Variants in SFMBT2 observed in about 807,000 individuals in gnomAD.
SFMBT2 encodes Scm like with four mbt domains 2, also known as scm-like with four MBT domains protein 2.
In SFMBT2, 38 loss-of-function variants were observed where a neutral mutation model predicts 110.1. The ratio of observed to expected loss-of-function variants is 0.35; its 90% CI spans 0.27 to 0.45. The LOEUF (loss-of-function observed/expected upper bound fraction) is 0.45. Among genes scored for constraint, SFMBT2 ranks in the 20% least tolerant of loss-of-function variants. SFMBT2 has a pLI of 1.00. For synonymous variants in SFMBT2, 425 were observed against 425.4 expected, an observed-to-expected ratio of 1.00 and a Z score of 0.01; for missense variants, 1,011 against 1,094.9, an observed-to-expected ratio of 0.92 and a Z score of 1.08.
At chr10:7,373,841 A>C (rs916523893) in intron 2 of SFMBT2, among the ~76,000 whole-genome samples, 3 of 152,200 alleles carry the variant, frequency 2.0e-5, no homozygotes, top group Non-Finnish European at 4.4e-5. Flanking sequence ...GCACCTGGGA[A>C]GAAGACATCG....
At chr10:7,288,648 A>G (rs781128300) in intron 4 of SFMBT2, among the ~76,000 whole-genome samples, 1 of 152,232 alleles carries the variant, frequency 6.6e-6, no homozygotes, top group Non-Finnish European at 1.5e-5. Flanking sequence ...TGCTTTACAA[A>G]GACCTTTCAT....
chr10:7,248,549 T>G lies in SFMBT2; in HGVS notation c.971A>C (p.Lys324Thr). 6.2e-7 allele frequency: 1 copy of G among 1,613,944 alleles called. No individual in the cohort carries two copies. Among genetic ancestry groups the G allele is most frequent in the Non-Finnish European group, 8.5e-7 (1 of 1,179,834 alleles). The change falls in exon 8 of 21, where the codon AAG (lysine) becomes ACG (threonine). Residue 324 changes from lysine to threonine, a missense_variant and splice_region_variant. Around this residue, in one of 2 missense-constraint regions of SFMBT2, gnomAD observed 979 missense variants for 1,016.1 expected, o/e 0.96. Transcript: ENST00000397167. Reference sequence around the variant, plus strand: ...GAAGAGCGAGGGAGGAAAACCCACCTTAGTCACCGACGCAGGAGAGATGTA... The same window carrying G: ...GAAGAGCGAGGGAGGAAAACCCACCGTAGTCACCGACGCAGGAGAGATGTA... ...PFYISPASVT[K>T]VFNNHFFQVT...
intron 11 of SFMBT2, among the ~76,000 whole-genome samples, chr10:7,207,214 C>T (rs759715041): frequency 1.3e-5 from 2 of 151,770 alleles, no homozygotes; most frequent in Non-Finnish European, 2.9e-5. Context: ...ACAAAATTAG[C>T]CTGGCGTGGT....
chr10:7,327,108 A>C (rs1588451520), intron 4 of SFMBT2, among the ~76,000 whole-genome samples: 1 of 147,744 alleles, frequency 6.8e-6, no homozygotes, highest in Non-Finnish European at 1.5e-5. Context: ...GGGCCACCAG[A>C]CCACTGGGGG....
At chr10:7,389,545 AAGT>A (rs140624255) in intron 1 of SFMBT2, among the ~76,000 whole-genome samples, 3,905 of 152,298 alleles carry the variant, frequency 0.026, 89 homozygotes, top group Non-Finnish European at 0.038. Context: ...GTTTTGTACA[AAGT>A]TAACTCTACT....
chr10:7,179,560 A>C (rs1463146249), intron 16 of SFMBT2, among the ~76,000 whole-genome samples: 1 of 152,172 alleles, frequency 6.6e-6, no homozygotes, highest in Admixed American at 6.5e-5. Flanking sequence ...GTGGCCCCAC[A>C]ACTTTGTTGG....
chr10:7,174,680 G>A (rs1345885029), intron 17 of SFMBT2, among the ~76,000 whole-genome samples: 1 of 152,178 alleles, frequency 6.6e-6, no homozygotes, highest in Non-Finnish European at 1.5e-5. Flanking sequence ...AGCCCACCTG[G>A]CAGGTAAGCA....
At position 7,348,364 on chromosome 10, in the gene SFMBT2, T is replaced by C. The variant is rs765756389; in HGVS notation, c.436+19285A>G. The C allele has an allele frequency of 6.7e-6, 10 of 1,491,446 alleles. No homozygotes were observed. In the Admixed American group the frequency reaches 1.7e-4, roughly 25 times the overall value. 92.4% of individuals were successfully genotyped at this position (1,491,446 alleles called of 1,614,324 possible). Reference sequence around the variant, plus strand: ...AAAAAATAATCACAGATGGTTTTAATGGCTATAACTTGCTCCTATAATCCA... The same window carrying C: ...AAAAAATAATCACAGATGGTTTTAACGGCTATAACTTGCTCCTATAATCCA... On this transcript the variant is annotated intron_variant, in intron 4 of 20. Transcript: ENST00000397167.
rs1303558922 is a variant in SFMBT2, at chr10:7,408,948, A to C, written c.-52+1913T>G. Among the ~76,000 whole-genome samples, 1 of 152,038 alleles carries C rather than the reference A, an allele frequency of 6.6e-6. No individual in the cohort carries two copies. Among genetic ancestry groups the C allele is most frequent in the Non-Finnish European group, 1.5e-5 (1 of 68,014 alleles). ...CGCCGAGAGGGTTCCTAAGCCGAGC[A>C]AGGGACAATTTCTTCCCCAAACGCT... is the stretch of plus-strand genomic sequence containing the variant. On this transcript the variant is annotated intron_variant, in intron 1 of 20. Transcript: ENST00000397167. The surrounding 1 kb of genome is among the most constrained non-coding windows in gnomAD (Gnocchi z 5.7).
chr10:7,375,101 T>A (rs1845165567), intron 2 of SFMBT2, among the ~76,000 whole-genome samples: 1 of 152,170 alleles, frequency 6.6e-6, no homozygotes, highest in Admixed American at 6.5e-5. Context: ...TAGGAAAAGC[T>A]ACGAAGAAAA....
At chr10:7,374,626 G>A (rs1281542831) in intron 2 of SFMBT2, among the ~76,000 whole-genome samples, 1 of 152,168 alleles carries the variant, frequency 6.6e-6, no homozygotes, top group African/African-American at 2.4e-5. Context: ...GTCAGAGGGT[G>A]CCACTGTGTC....
At chr10:7,315,098 A>AAGAAAGAAAGAG (rs1842969534) in intron 4 of SFMBT2, among the ~76,000 whole-genome samples, 1 of 145,792 alleles carries the variant, frequency 6.9e-6, no homozygotes, top group Non-Finnish European at 1.5e-5. Flanking sequence ...GAAAGAAAGA[A>AAGAAAGAAAGAG]AGAAAGAAAG....
intron 4 of SFMBT2, among the ~76,000 whole-genome samples, chr10:7,320,052 CAG>C (rs1167224005): frequency 7.0e-6 from 1 of 143,298 alleles, no homozygotes; most frequent in African/African-American, 2.6e-5. Context: ...CAAAGACAGA[CAG>C]AGACAGAGAG....
chr10:7,352,810 G>C (rs1844366833), intron 4 of SFMBT2, among the ~76,000 whole-genome samples: 1 of 152,188 alleles, frequency 6.6e-6, no homozygotes, highest in Non-Finnish European at 1.5e-5. Flanking sequence ...AGGAGATCAA[G>C]ACTATCCTGG....
intron 7 of SFMBT2, among the ~76,000 whole-genome samples, chr10:7,257,371 C>T (rs1392179162): frequency 1.3e-5 from 2 of 152,126 alleles, no homozygotes; most frequent in African/African-American, 4.8e-5. Context: ...CCTGCCTTGC[C>T]AGTGGTTGCT....
At chr10:7,248,412 C>T (rs1840686973) in intron 8 of SFMBT2, 136 bp downstream of exon 8, 8 of 685,064 alleles carry the variant, frequency 1.2e-5, no homozygotes, top group South Asian at 1.9e-5. Context: ...ACTGGAAGGG[C>T]GGCAATCTTC....
intron 4 of SFMBT2, among the ~76,000 whole-genome samples, chr10:7,356,749 AC>A (rs1423125975): frequency 1.3e-5 from 2 of 152,082 alleles, no homozygotes; most frequent in African/African-American, 4.8e-5. Flanking sequence ...ATGCCACAGA[AC>A]CCTGTACCCG....
At chr10:7,251,062 T>C (rs185880631) in intron 7 of SFMBT2, among the ~76,000 whole-genome samples, 109 of 152,300 alleles carry the variant, frequency 7.2e-4, no homozygotes, top group African/African-American at 2.6e-3. Context: ...TAAGGTGATA[T>C]GTATCTCAAT....
At chr10:7,194,771 C>A (rs1838716288) in intron 15 of SFMBT2, among the ~76,000 whole-genome samples, 1 of 152,120 alleles carries the variant, frequency 6.6e-6, no homozygotes, top group South Asian at 2.1e-4. Context: ...TTTCAAACAT[C>A]AGCAAAAAAC....
Sources: gnomAD v4.1 joint callset for allele counts (sites outside exome capture counted in the v4.1 genomes callset) on GRCh38, gnomAD v4.1.1 for gene constraint, gnomAD v4.1.1 regional missense constraint, Gnocchi (gnomAD v3.1) non-coding constraint, MANE v1.5 for transcripts, NCBI Gene and HGNC (gene_info 2026-07-23, HGNC 2026-07-21) for gene names.